Variants in ATRN observed in about 807,000 individuals in gnomAD.
ATRN encodes the protein attractin-2.
A neutral mutation model predicts 178.7 loss-of-function variants in ATRN; 54 were observed. The ratio of observed to expected loss-of-function variants is 0.30; its 90% CI spans 0.24 to 0.38. The LOEUF is 0.38. ATRN is among the 10% of genes least tolerant of loss of function. The probability of loss-of-function intolerance (pLI) is 1.00; values close to 1 mark genes in which losing one functional copy is unlikely to be tolerated. For missense variants in ATRN, 1,443 were observed against 1,815.1 expected (o/e 0.79, Z 3.73); for synonymous variants, 636 against 663.0 (o/e 0.96, Z 0.63).
chr20:3,578,901 C>T (rs2086245973), intron 15 of ATRN, 129 bp downstream of exon 15: 9 of 822,118 alleles, frequency 1.1e-5, no homozygotes, highest in East Asian at 2.7e-5. Context: ...TGCTGGTGAA[C>T]GCAGCCTGAG....
At chr20:3,521,600 A>T (rs1329753150) in intron 1 of ATRN, among the ~76,000 whole-genome samples, 1 of 152,216 alleles carries the variant, frequency 6.6e-6, no homozygotes, top group Non-Finnish European at 1.5e-5. Context: ...ATACAGAAAA[A>T]TAAGAAGGTT....
At chr20:3,568,493 A>G (rs1286809503) in intron 11 of ATRN, among the ~76,000 whole-genome samples, 1 of 138,358 alleles carries the variant, frequency 7.2e-6, no homozygotes, top group Non-Finnish European at 1.5e-5. Context: ...AGCCTGGGTG[A>G]CAGAGTGAGA....
intron 24 of ATRN, among the ~76,000 whole-genome samples, chr20:3,610,378 C>T (rs1274971011): frequency 6.6e-6 from 1 of 152,004 alleles, no homozygotes; most frequent in Non-Finnish European, 1.5e-5. Flanking sequence ...ATAGGTAGAT[C>T]CCAGAAATAG....
intron 16 of ATRN, among the ~76,000 whole-genome samples, chr20:3,582,787 G>C (rs888879007): frequency 6.6e-6 from 1 of 152,174 alleles, no homozygotes; most frequent in South Asian, 2.1e-4. Flanking sequence ...AGTGTCAACA[G>C]GGAGAAAAAT....
intron 1 of ATRN, among the ~76,000 whole-genome samples, chr20:3,476,355 A>T (rs1370947599): frequency 6.6e-6 from 1 of 152,154 alleles, no homozygotes; most frequent in African/African-American, 2.4e-5. Context: ...TCTTTTTATT[A>T]TACCATTTGG....
At chr20:3,599,175 A>G (rs961990569) in intron 22 of ATRN, among the ~76,000 whole-genome samples, 10 of 152,198 alleles carry the variant, frequency 6.6e-5, no homozygotes, top group African/African-American at 2.2e-4. Context: ...AGGTATTAAT[A>G]TATCATTTGA....
intron 6 of ATRN, among the ~76,000 whole-genome samples, chr20:3,552,820 G>C (rs1207744035): frequency 6.6e-6 from 1 of 152,164 alleles, no homozygotes; most frequent in Non-Finnish European, 1.5e-5. Flanking sequence ...AGCTCCTAGA[G>C]CTTACCTCAG....
intron 24 of ATRN, among the ~76,000 whole-genome samples, chr20:3,609,338 C>T (rs1469610649): frequency 3.3e-5 from 5 of 152,076 alleles, no homozygotes; most frequent in African/African-American, 4.8e-5. Context: ...TTTGCTAGTT[C>T]GTTGCTCCTA....
intron 1 of ATRN, among the ~76,000 whole-genome samples, chr20:3,525,774 C>T (rs2085356007): frequency 6.6e-6 from 1 of 152,178 alleles, no homozygotes; most frequent in African/African-American, 2.4e-5. Flanking sequence ...CGTAATCCAT[C>T]ACATAAACAG....
In ATRN at chr20:3,545,772, G is replaced by T; in HGVS notation, c.619G>T (p.Val207Phe). The T allele has an allele frequency of 6.2e-7, 1 of 1,613,888 alleles. No homozygotes were observed. The highest frequency in any genetic ancestry group is 8.5e-7 in the Non-Finnish European group (1 of 1,179,862). ...GTGTTTTCATTTCAGTGGCCTCATTGTTCCTGAGAGAGATGGCAATGAGAC... is the reference window on the plus strand; with the variant it reads ...GTGTTTTCATTTCAGTGGCCTCATTTTTCCTGAGAGAGATGGCAATGAGAC... The part of the protein sequence containing the change: ...PLVAAFSGLI[V>F]PERDGNETVP... Residue 207 changes from valine to phenylalanine, a missense_variant, in exon 4 of 29, where the codon GTT becomes TTT. Val to Phe is a conservative substitution (Grantham distance 50). Coordinates refer to ENST00000262919, the MANE Select transcript of ATRN (RefSeq NM_139321.3).
At chr20:3,624,955 G>A (rs2086925363) in intron 25 of ATRN, among the ~76,000 whole-genome samples, 1 of 152,148 alleles carries the variant, frequency 6.6e-6, no homozygotes, top group Non-Finnish European at 1.5e-5. Context: ...GATGATTCTG[G>A]TGATTATCCA....
In ATRN at chr20:3,632,126, G is replaced by A. The variant is rs77110857; in HGVS notation, c.3864-2185G>A. Among the ~76,000 whole-genome samples, 723 of 152,244 alleles carry A rather than the reference G, an allele frequency of 4.7e-3. 3 individuals are homozygous for A. The highest frequency in any genetic ancestry group is 0.017 in the African/African-American group (702 of 41,532). Reference sequence around the variant, plus strand: ...CTGCCCAGGACATCTCCCCTGGGCTGTCCGGTAGATATCTCAGGGTTCTGC... The same window carrying A: ...CTGCCCAGGACATCTCCCCTGGGCTATCCGGTAGATATCTCAGGGTTCTGC... On this transcript the variant is annotated intron_variant, in intron 25 of 28. Coordinates refer to ENST00000262919, the MANE Select transcript of ATRN (RefSeq NM_139321.3). The surrounding 1 kb of genome is among the most constrained non-coding windows in gnomAD (Gnocchi z 4.2).
chr20:3,508,741 A>G (rs1335685274), intron 1 of ATRN, among the ~76,000 whole-genome samples: 2 of 152,190 alleles, frequency 1.3e-5, no homozygotes, highest in African/African-American at 4.8e-5. Context: ...ACTTAACTGA[A>G]TGTTAATTGT....
chr20:3,490,900 C>G (rs991711856), intron 1 of ATRN: 3 of 1,114,616 alleles, frequency 2.7e-6, no homozygotes, highest in African/African-American at 3.1e-5. Flanking sequence ...GTGCGGTGAT[C>G]AGAATTGAGC....
At chr20:3,493,818 T>C (rs1286057531) in intron 1 of ATRN, among the ~76,000 whole-genome samples, 1 of 152,208 alleles carries the variant, frequency 6.6e-6, no homozygotes, top group African/African-American at 2.4e-5. Context: ...ACGAGATTGT[T>C]CTGGACTTCC....
intron 1 of ATRN, among the ~76,000 whole-genome samples, chr20:3,525,053 C>G (rs1003501293): frequency 4.6e-5 from 7 of 152,084 alleles, no homozygotes; most frequent in African/African-American, 1.7e-4. Context: ...TAATTAAGAT[C>G]AGAGCAGAAC....
intron 6 of ATRN, among the ~76,000 whole-genome samples, chr20:3,558,379 C>A (rs1394494959): frequency 6.6e-6 from 1 of 151,876 alleles, no homozygotes; most frequent in Non-Finnish European, 1.5e-5. Context: ...AATGGATGGA[C>A]ATTTATTTGT....
At chr20:3,564,613 A>G (rs1379411119) in intron 10 of ATRN, among the ~76,000 whole-genome samples, 2 of 152,254 alleles carry the variant, frequency 1.3e-5, no homozygotes, top group African/African-American at 2.4e-5. Context: ...TGTAAAAATT[A>G]GGTGACATTT....
chr20:3,640,397 A>C (rs1447855313), intron 27 of ATRN, among the ~76,000 whole-genome samples: 1 of 152,216 alleles, frequency 6.6e-6, no homozygotes, highest in Non-Finnish European at 1.5e-5. Flanking sequence ...ACTCATATAT[A>C]TTTCCAGAAT....
Sources: gnomAD v4.1 joint callset for allele counts (sites outside exome capture counted in the v4.1 genomes callset) on GRCh38, gnomAD v4.1.1 for gene constraint, Gnocchi (gnomAD v3.1) non-coding constraint, MANE v1.5 for transcripts, NCBI Gene and HGNC (gene_info 2026-07-23, HGNC 2026-07-21) for gene names.